CDK17: variants seen among roughly 807,000 people sequenced by gnomAD.
CDK17 encodes the protein cyclin dependent kinase 17.
Under a neutral mutation model 77.6 loss-of-function variants are expected in CDK17, and 24 were observed. That is an observed-to-expected ratio of 0.31 (90% CI 0.22 to 0.44). CDK17 has a LOEUF of 0.44. Ranked by LOEUF, CDK17 falls within the 20% of genes least tolerant of loss-of-function variation. CDK17 has a pLI of 1.00. For synonymous variants in CDK17, 203 were observed against 210.4 expected (o/e 0.96, Z 0.30); for missense variants, 429 against 622.5 (o/e 0.69, Z 3.31).
rs569083565 is a variant in CDK17 at position 96,370,622 on chromosome 12, T to G, written c.-30+29364A>C. On this transcript the variant is annotated intron_variant, in intron 1 of 16. Coordinates refer to ENST00000261211, the MANE Select transcript of CDK17 (RefSeq NM_002595.5). Reference sequence around the variant, plus strand: ...CTATTTTTATAAAATACTAAGTTATTTGCCTTTTTTACACTTCTCTCACCG... The same window carrying G: ...CTATTTTTATAAAATACTAAGTTATGTGCCTTTTTTACACTTCTCTCACCG... 3.9e-5 allele frequency among the ~76,000 whole-genome samples: 6 copies of G among 152,162 alleles called. No homozygotes were observed. In the South Asian group the frequency reaches 1.2e-3, roughly 31 times the overall value.
intron 1 of CDK17, among the ~76,000 whole-genome samples, chr12:96,348,042 C>A (rs903088251): frequency 2.6e-5 from 4 of 151,912 alleles, no homozygotes; most frequent in Middle Eastern, 3.2e-3. Flanking sequence ...TGAGATGTAG[C>A]TAAAGAAGTG....
At chr12:96,305,033 T>C (rs148638601) in intron 5 of CDK17, among the ~76,000 whole-genome samples, 1,542 of 152,326 alleles carry the variant, frequency 0.01, 46 homozygotes, top group Admixed American at 0.061. Context: ...TCCATTATAA[T>C]TGAAGCTGCA....
chr12:96,339,045 C>T (rs1008621591), intron 1 of CDK17, among the ~76,000 whole-genome samples: 1 of 152,072 alleles, frequency 6.6e-6, no homozygotes, highest in East Asian at 1.9e-4. Flanking sequence ...GACATCACCA[C>T]TTCAGAATCT....
At chr12:96,380,334 T>C (rs1379665331) in intron 1 of CDK17, among the ~76,000 whole-genome samples, 2 of 147,676 alleles carry the variant, frequency 1.4e-5, no homozygotes, top group Non-Finnish European at 3.0e-5. Flanking sequence ...CAGGCTAGAG[T>C]GCAATGGTGC....
intron 1 of CDK17, among the ~76,000 whole-genome samples, chr12:96,370,398 A>G (rs1454239311): frequency 6.6e-6 from 1 of 152,228 alleles, no homozygotes; most frequent in Non-Finnish European, 1.5e-5. Context: ...AACTATTTAT[A>G]GTAGAAGTTA....
chr12:96,334,228 A>C (rs945363394), intron 2 of CDK17, among the ~76,000 whole-genome samples: 1 of 152,206 alleles, frequency 6.6e-6, no homozygotes, highest in Non-Finnish European at 1.5e-5. Context: ...TTTTGTATTT[A>C]ACACACTTAA....
intron 11 of CDK17, among the ~76,000 whole-genome samples, chr12:96,288,062 T>C (rs553418565): frequency 6.6e-6 from 1 of 152,064 alleles, no homozygotes; most frequent in South Asian, 2.1e-4. Context: ...GGGTACAGAG[T>C]TTTGGTTTTG....
chr12:96,391,461 T>TTA (rs1484842723), intron 1 of CDK17, among the ~76,000 whole-genome samples: 2 of 113,262 alleles, frequency 1.8e-5, no homozygotes, highest in African/African-American at 8.6e-5. Flanking sequence ...GGCTAATTTT[T>TTA]TGTATTTTTA....
At chr12:96,300,272 A>G (rs776999767) in intron 6 of CDK17, 32 bp downstream of exon 6, 1 of 1,443,256 alleles carries the variant, frequency 6.9e-7, no homozygotes, top group Non-Finnish European at 9.6e-7. Flanking sequence ...TAAGAAAAAA[A>G]TGTGTCTTAC....
At chr12:96,354,517 C>G (rs532679069) in intron 1 of CDK17, among the ~76,000 whole-genome samples, 2 of 152,188 alleles carry the variant, frequency 1.3e-5, no homozygotes, top group Non-Finnish European at 2.9e-5. Context: ...TGTATCAAGT[C>G]TGATCACATG....
intron 1 of CDK17, among the ~76,000 whole-genome samples, chr12:96,383,892 A>G (rs1008637075): frequency 5.3e-5 from 8 of 152,350 alleles, no homozygotes; most frequent in East Asian, 1.9e-4. Flanking sequence ...AATTGCAAAG[A>G]AAACAAAAAT....
chr12:96,286,680 T>C lies in CDK17; in HGVS notation c.1200A>G (p.Leu400=). The C allele has an allele frequency of 6.2e-7, 1 of 1,612,902 alleles. No individual in the cohort carries two copies. The highest frequency in any genetic ancestry group is 8.5e-7 in the Non-Finnish European group (1 of 1,179,096). Residue 400 remains leucine, a synonymous_variant, in exon 12 of 17, where the codon TTA becomes TTG. Transcript: ENST00000261211. ...PGSTVEDELH[L]IFRLLGTPSQ... Reference sequence around the variant, plus strand: ...TTCTGTTACCTAGCAGTCGGAAAATTAAGTGCAGTTCATCTTCCACGGTTG... The same window carrying C: ...TTCTGTTACCTAGCAGTCGGAAAATCAAGTGCAGTTCATCTTCCACGGTTG...
chr12:96,374,976 T>TAGTG (rs1459139526), intron 1 of CDK17, among the ~76,000 whole-genome samples: 1 of 152,192 alleles, frequency 6.6e-6, no homozygotes, highest in Admixed American at 6.5e-5. Context: ...ACAGAACAGT[T>TAGTG]TGATCAGCGA....
chr12:96,397,999 AAT>A (rs1167940186), intron 1 of CDK17, among the ~76,000 whole-genome samples: 1 of 152,198 alleles, frequency 6.6e-6, no homozygotes, highest in Non-Finnish European at 1.5e-5. Flanking sequence ...TATCAACATT[AAT>A]GTCTCTATAT....
intron 1 of CDK17, among the ~76,000 whole-genome samples, chr12:96,351,635 A>G (rs1300456612): frequency 6.6e-6 from 1 of 152,238 alleles, no homozygotes; most frequent in African/African-American, 2.4e-5. Context: ...TTGTCGTTGA[A>G]CTTTATGCTT....
At chr12:96,377,694 CGTTTTTTTTTTTTTTTT>C (rs1953804790) in intron 1 of CDK17, among the ~76,000 whole-genome samples, 2 of 121,362 alleles carry the variant, frequency 1.6e-5, no homozygotes, top group Admixed American at 1.7e-4. Context: ...TTTTTTTTTT[CGTTTTTTTTTTTTTTTT>C]GAGATGGAGT....
chr12:96,304,237 T>C (rs1463964795), intron 5 of CDK17, among the ~76,000 whole-genome samples: 1 of 152,106 alleles, frequency 6.6e-6, no homozygotes, highest in East Asian at 1.9e-4. Flanking sequence ...AGTGAGTATA[T>C]ATTAATACAT....
intron 9 of CDK17, among the ~76,000 whole-genome samples, chr12:96,296,271 G>A: frequency 6.6e-6 from 1 of 151,670 alleles, no homozygotes. Context: ...AAAAAAAGCA[G>A]GAAAAACAAA....
At position 96,282,552 on chromosome 12, in the gene CDK17, C is replaced by T; in HGVS notation, c.1413G>A (p.Val471=). The T allele has an allele frequency of 1.2e-6, 2 of 1,612,560 alleles. No homozygotes were observed. The highest frequency in any genetic ancestry group is 1.3e-5 in the African/African-American group (1 of 75,022). The change falls in exon 15 of 17, where the codon GTG becomes GTA. Residue 471 remains valine, a synonymous_variant. Coordinates refer to ENST00000261211, the MANE Select transcript of CDK17 (RefSeq NM_002595.5). ...RVSAEEAMKH[V]YFRSLGPRIH... The stretch of plus-strand genomic sequence containing the variant: ...TTCTTGGTCCCAGACTTCGAAAGTA[C>T]ACATGTTTCATGGCCTCTTCAGCTG...
Sources: allele counts gnomAD v4.1 joint callset (sites outside exome capture counted in the v4.1 genomes callset), GRCh38; gene constraint gnomAD v4.1.1; transcripts MANE v1.5; gene names NCBI Gene and HGNC (gene_info 2026-07-23, HGNC 2026-07-21).